The following MALT1 variants were observed in gnomAD, a reference collection of about 807,000 sequenced individuals.
The protein encoded by MALT1 is mucosa-associated lymphoid tissue lymphoma translocation protein 1.
In MALT1, 36 loss-of-function variants were observed where a neutral mutation model predicts 85.5. That is an observed-to-expected ratio of 0.42 (90% CI 0.32 to 0.56). MALT1 has a LOEUF of 0.56. Ranked by LOEUF, MALT1 falls within the 20% of genes least tolerant of loss-of-function variation. MALT1 has a pLI of 0.10. For synonymous variants in MALT1, 359 were observed against 361.3 expected (o/e 0.99, Z 0.07); for missense variants, 716 against 981.6 (o/e 0.73, Z 3.62).
intron 4 of MALT1, among the ~76,000 whole-genome samples, chr18:58,707,832 G>A (rs907958380): frequency 6.6e-6 from 1 of 152,288 alleles, no homozygotes; most frequent in African/African-American, 2.4e-5. Flanking sequence ...GATGTATTCA[G>A]TTTACTACTG....
chr18:58,709,642 CAT>C, intron 5 of MALT1, 86 bp downstream of exon 5: 1 of 1,082,848 alleles, frequency 9.2e-7, no homozygotes, highest in Non-Finnish European at 1.3e-6. Context: ...CATTAAAACT[CAT>C]ATCCTTTCAG....
chr18:58,684,019 C>G (rs138310338), intron 2 of MALT1, among the ~76,000 whole-genome samples: 2 of 152,248 alleles, frequency 1.3e-5, no homozygotes, highest in Admixed American at 6.5e-5. Flanking sequence ...GCAACTTCTG[C>G]CTCCGGAGCC....
Position 58,734,313 on chromosome 18 carries a change from CTACGATGA to C in MALT1, c.1411_1418del (p.Asp471HisfsTer27). On this transcript the variant is annotated frameshift_variant, in exon 12 of 17. Transcript: ENST00000649217. LOFTEE classifies it high-confidence loss of function. Reference sequence around the variant, plus strand: ...CTCCGCCTCCCTTAAATAGAAATGACTACGATGATACCATTCCAATCTTGGATGCACTA... The same window carrying C: ...CTCCGCCTCCCTTAAATAGAAATGACTACCATTCCAATCTTGGATGCACTA... The C allele has an allele frequency of 6.2e-7, 1 of 1,611,494 alleles. No individual in the cohort carries two copies. Among genetic ancestry groups the C allele is most frequent in the Non-Finnish European group, 8.5e-7 (1 of 1,177,588 alleles).
At chr18:58,676,068 C>T (rs1282722435) in intron 1 of MALT1, among the ~76,000 whole-genome samples, 1 of 152,214 alleles carries the variant, frequency 6.6e-6, no homozygotes, top group Non-Finnish European at 1.5e-5. Flanking sequence ...CCAATGTCCA[C>T]TGCTGGCACG....
At chr18:58,718,594 TG>T (rs2054937137) in intron 9 of MALT1, among the ~76,000 whole-genome samples, 1 of 152,190 alleles carries the variant, frequency 6.6e-6, no homozygotes. Context: ...ACACCGTCCA[TG>T]GAAAAATTGT....
chr18:58,718,468 A>G (rs1321631268), intron 9 of MALT1, among the ~76,000 whole-genome samples: 2 of 152,214 alleles, frequency 1.3e-5, no homozygotes, highest in Non-Finnish European at 2.9e-5. Flanking sequence ...TCAGATCAGC[A>G]GCGGCATTTG....
intron 2 of MALT1, among the ~76,000 whole-genome samples, chr18:58,689,670 A>C (rs985268629): frequency 2.0e-5 from 3 of 152,172 alleles, no homozygotes; most frequent in Non-Finnish European, 4.4e-5. Context: ...GGTGAATGTA[A>C]TAGATAACTG....
intron 9 of MALT1, among the ~76,000 whole-genome samples, chr18:58,719,406 G>A (rs1354239082): frequency 6.7e-6 from 1 of 149,992 alleles, no homozygotes; most frequent in African/African-American, 2.5e-5. Flanking sequence ...TCCTCTTCCC[G>A]CCCCCAACTT....
chr18:58,733,064 C>T (rs1449969263), intron 10 of MALT1, among the ~76,000 whole-genome samples: 1 of 152,054 alleles, frequency 6.6e-6, no homozygotes, highest in Non-Finnish European at 1.5e-5. Flanking sequence ...GTGCCCACCA[C>T]CACGCCCAGC....
chr18:58,741,982 T>C lies in MALT1; in HGVS notation c.1721T>C (p.Leu574Pro), dbSNP rs2055307683. Residue 574 changes from leucine (L) to proline (P), a missense_variant, in exon 14 of 17, where the codon CTT becomes CCT. Physicochemically the swap from Leu to Pro is moderately conservative, Grantham distance 98. This residue lies in a region of MALT1 where 260 missense variants were observed against 323.7 expected (regional missense o/e 0.80). Coordinates refer to ENST00000649217, the MANE Select transcript of MALT1 (RefSeq NM_006785.4). ...IQGTEYSAES[L>P]VRNLQWAKAH... The stretch of plus-strand genomic sequence containing the variant: ...GGAACAGAATATTCTGCTGAATCTC[T>C]TGTGCGGAATCTACAGTGGGCCAAG... The C allele has an allele frequency of 6.5e-7, 1 of 1,546,222 alleles. No individual in the cohort carries two copies.
intron 10 of MALT1, among the ~76,000 whole-genome samples, chr18:58,731,442 C>A (rs1224226841): frequency 1.3e-5 from 2 of 152,208 alleles, no homozygotes; most frequent in African/African-American, 4.8e-5. Flanking sequence ...TCTGTGCACT[C>A]CTTTTTAAAA....
At chr18:58,694,319 A>C (rs112186380) in intron 2 of MALT1, among the ~76,000 whole-genome samples, 1 of 152,280 alleles carries the variant, frequency 6.6e-6, no homozygotes, top group Non-Finnish European at 1.5e-5. Flanking sequence ...TGTGACTTTC[A>C]TGAACATTAT....
At chr18:58,672,421 A>G (rs992241860) in intron 1 of MALT1, 2 of 152,216 alleles carry the variant, frequency 1.3e-5, no homozygotes, top group Admixed American at 1.3e-4. Context: ...CACCATGAAC[A>G]TGAAACTCGA....
chr18:58,679,269 G>T (rs1358402683), intron 1 of MALT1, among the ~76,000 whole-genome samples: 2 of 152,200 alleles, frequency 1.3e-5, no homozygotes, highest in South Asian at 4.1e-4. Flanking sequence ...ATTTTTAAAA[G>T]AATAGTTTTA....
chr18:58,747,033 C>T (rs770648285), intron 16 of MALT1, among the ~76,000 whole-genome samples: 1 of 152,144 alleles, frequency 6.6e-6, no homozygotes, highest in Non-Finnish European at 1.5e-5. Flanking sequence ...GGGCCCAGAT[C>T]ATTTTTTAAT....
intron 1 of MALT1, among the ~76,000 whole-genome samples, chr18:58,678,724 CAAA>C (rs2054277142): frequency 6.6e-6 from 1 of 152,034 alleles, no homozygotes; most frequent in East Asian, 1.9e-4. Context: ...CAAAAAACAA[CAAA>C]GAAGAATGTG....
At chr18:58,742,683 A>G (rs2055317880) in intron 14 of MALT1, among the ~76,000 whole-genome samples, 1 of 152,242 alleles carries the variant, frequency 6.6e-6, no homozygotes, top group Admixed American at 6.5e-5. Context: ...ACTGCACTCC[A>G]GTCTGGGCGA....
In MALT1 at chr18:58,751,514, T is replaced by A. The variant is rs185946803; in HGVS notation, c.*3672T>A. The A allele has an allele frequency of 4.4e-4, 67 of 152,316 alleles. No individual in the cohort carries two copies. The highest frequency in any genetic ancestry group is 3.4e-3 in the Admixed American group (52 of 15,300). 9.4% of individuals were successfully genotyped at this position (152,316 alleles called of 1,614,324 possible). On this transcript the variant is annotated 3_prime_UTR_variant, in exon 17 of 17. Transcript: ENST00000649217. ...AAACAGGAGAATCGCATGAATTTTT[T>A]AAAAAATCTAAACATGTAATTTTAA...
chr18:58,679,670 C>G (rs1042539068), intron 1 of MALT1, among the ~76,000 whole-genome samples: 1 of 152,178 alleles, frequency 6.6e-6, no homozygotes, highest in African/African-American at 2.4e-5. Flanking sequence ...TCTTGTGCCT[C>G]CTGAGTAGCT....
Sources: allele counts gnomAD v4.1 joint callset (sites outside exome capture counted in the v4.1 genomes callset), GRCh38; gene constraint gnomAD v4.1.1; regional missense constraint gnomAD v4.1.1; transcripts MANE v1.5; gene names NCBI Gene and HGNC (gene_info 2026-07-23, HGNC 2026-07-21).